The following FOXP2 variants were observed in gnomAD, a reference collection of about 807,000 sequenced individuals.
FOXP2 encodes the protein forkhead box protein P2.
FOXP2 carries 12 observed loss-of-function variants against 115.8 expected under a neutral mutation model. That is an observed-to-expected ratio of 0.10 (90% confidence interval 0.07 to 0.17). FOXP2 has a LOEUF of 0.17. FOXP2 is among the 10% of genes least tolerant of loss of function. The pLI is 1.00. For missense variants in FOXP2, 629 were observed against 843.5 expected (o/e 0.75, Z 3.15); for synonymous variants, 328 against 297.7 (o/e 1.10, Z -1.05).
rs574723296 is a variant in FOXP2, at chr7:114,686,132, T to C, written c.2004-3650T>C. Among the ~76,000 whole-genome samples, 3 of 152,134 alleles carry C rather than the reference T, an allele frequency of 2.0e-5. No individual in the cohort carries two copies. In the South Asian group the frequency reaches 6.2e-4, roughly 32 times the overall value. On this transcript the variant is annotated intron_variant, in intron 16 of 16. Coordinates refer to ENST00000350908, the MANE Select transcript of FOXP2 (RefSeq NM_014491.4). ...ATCAAATAGTTTACAAATAATAAGTTTTTTTTATACTATAGTCTATGCAAT... is the reference window on the plus strand; with the variant it reads ...ATCAAATAGTTTACAAATAATAAGTCTTTTTTATACTATAGTCTATGCAAT...
intron 2 of FOXP2, among the ~76,000 whole-genome samples, chr7:114,508,082 T>C (rs1244428384): frequency 6.6e-6 from 1 of 152,046 alleles, no homozygotes; most frequent in Admixed American, 6.6e-5. Flanking sequence ...CCTGAAAGCA[T>C]ACATACTTTT....
chr7:114,207,128 A>G lies in FOXP2; in HGVS notation c.-102+44040A>G, dbSNP rs1413304995. Among the ~76,000 whole-genome samples the G allele has an allele frequency of 9.2e-5, 14 of 152,194 alleles. 1 individual carries two copies. The highest frequency in any genetic ancestry group is 9.2e-4 in the Admixed American group (14 of 15,282). ...TTTCAAGGTTTACCCATATTGCAGCATGTATCAGTACTTCATTCCTTTTTC... is the reference window on the plus strand; with the variant it reads ...TTTCAAGGTTTACCCATATTGCAGCGTGTATCAGTACTTCATTCCTTTTTC... On this transcript the variant is annotated intron_variant, in intron 1 of 17. Transcript: ENST00000634411.
intron 2 of FOXP2, among the ~76,000 whole-genome samples, chr7:114,520,374 T>C (rs185394205): frequency 4.0e-4 from 61 of 152,230 alleles, no homozygotes; most frequent in African/African-American, 1.4e-3. Flanking sequence ...AGTTTAGTGA[T>C]GTATGTCATA....
chr7:114,090,664 A>G (rs1799523940), intron 1 of FOXP2, among the ~76,000 whole-genome samples: 2 of 151,882 alleles, frequency 1.3e-5, no homozygotes, highest in Non-Finnish European at 3.0e-5. Flanking sequence ...TGCCTAATTC[A>G]AATTTTAAAT....
At chr7:114,344,201 G>A (rs927807081) in intron 2 of FOXP2, among the ~76,000 whole-genome samples, 1 of 151,698 alleles carries the variant, frequency 6.6e-6, no homozygotes, top group Admixed American at 6.6e-5. Context: ...CTAACAGCAT[G>A]CTACACCTGT....
intron 3 of FOXP2, among the ~76,000 whole-genome samples, chr7:114,571,733 A>G (rs1019813737): frequency 6.6e-6 from 1 of 151,902 alleles, no homozygotes; most frequent in Non-Finnish European, 1.5e-5. Flanking sequence ...AGTGAGCTAG[A>G]GATTATTTAA....
intron 2 of FOXP2, among the ~76,000 whole-genome samples, chr7:114,460,433 A>G (rs569134974): frequency 1.3e-5 from 2 of 152,302 alleles, no homozygotes; most frequent in Admixed American, 1.3e-4. Context: ...GTAAATGCAC[A>G]TTTTCTTTTT....
chr7:114,645,904 A>G (rs1805856102), intron 8 of FOXP2: 1 of 152,048 alleles, frequency 6.6e-6, no homozygotes, highest in East Asian at 1.9e-4. Flanking sequence ...TTTGCTTCAT[A>G]TACCACTATG....
At chr7:114,170,045 C>T (rs1166981102) in intron 1 of FOXP2, among the ~76,000 whole-genome samples, 1 of 152,166 alleles carries the variant, frequency 6.6e-6, no homozygotes, top group Admixed American at 6.6e-5. Flanking sequence ...ATGTCTTTAT[C>T]AGCAGCATGA....
At chr7:114,187,395 G>A (rs78608587) in intron 1 of FOXP2, among the ~76,000 whole-genome samples, 1 of 152,200 alleles carries the variant, frequency 6.6e-6, no homozygotes, top group Non-Finnish European at 1.5e-5. Context: ...CAGACATTCA[G>A]CCAAATTTGT....
chr7:114,679,294 A>G (rs750710464), intron 16 of FOXP2, among the ~76,000 whole-genome samples: 6 of 152,284 alleles, frequency 3.9e-5, no homozygotes, highest in Non-Finnish European at 5.9e-5. Context: ...TAGTAAATGC[A>G]AAACCTTTTT....
intron 7 of FOXP2, among the ~76,000 whole-genome samples, chr7:114,642,867 G>A (rs1584984484): frequency 7.4e-6 from 1 of 134,544 alleles, no homozygotes; most frequent in East Asian, 2.2e-4. Context: ...GGAGTGCAGT[G>A]GCACAATCTT....
At chr7:114,657,596 G>A (rs1343896776) in intron 10 of FOXP2, among the ~76,000 whole-genome samples, 1 of 152,104 alleles carries the variant, frequency 6.6e-6, no homozygotes, top group African/African-American at 2.4e-5. Context: ...AAATTTTCCA[G>A]CTGGCTGGAG....
At chr7:114,469,767 TG>T (rs1795967478) in intron 2 of FOXP2, among the ~76,000 whole-genome samples, 1 of 152,148 alleles carries the variant, frequency 6.6e-6, no homozygotes, top group African/African-American at 2.4e-5. Context: ...ATTTTAGATC[TG>T]TAATAATTTT....
chr7:114,250,504 G>A (rs556721782), intron 1 of FOXP2, among the ~76,000 whole-genome samples: 3 of 152,138 alleles, frequency 2.0e-5, no homozygotes, highest in Non-Finnish European at 4.4e-5. Flanking sequence ...CGTGTGAGAT[G>A]GTATCTCATT....
chr7:114,169,915 C>T (rs1422504845), intron 1 of FOXP2, among the ~76,000 whole-genome samples: 1 of 152,146 alleles, frequency 6.6e-6, no homozygotes, highest in African/African-American at 2.4e-5. Context: ...TTGCCTGCTG[C>T]CATCCATGTA....
chr7:114,473,342 A>G (rs1453535404), intron 2 of FOXP2, among the ~76,000 whole-genome samples: 1 of 152,196 alleles, frequency 6.6e-6, no homozygotes, highest in Non-Finnish European at 1.5e-5. Context: ...TGCCAGAATG[A>G]AAGTAAGGAT....
chr7:114,341,001 T>TA (rs1383514558), intron 2 of FOXP2, among the ~76,000 whole-genome samples: 1 of 151,098 alleles, frequency 6.6e-6, no homozygotes, highest in African/African-American at 2.4e-5. Flanking sequence ...CTTTTTATTT[T>TA]AAAAAAATAT....
intron 2 of FOXP2, among the ~76,000 whole-genome samples, chr7:114,337,556 G>C (rs1299757862): frequency 6.6e-6 from 1 of 150,596 alleles, no homozygotes; most frequent in Non-Finnish European, 1.5e-5. Context: ...TTTTATTTTT[G>C]CATAAATATA....
Sources: allele counts gnomAD v4.1 joint callset (sites outside exome capture counted in the v4.1 genomes callset), GRCh38; gene constraint gnomAD v4.1.1; transcripts MANE v1.5; gene names NCBI Gene and HGNC (gene_info 2026-07-23, HGNC 2026-07-21).